ELFN1: variants seen among roughly 807,000 people sequenced by gnomAD.
The protein encoded by ELFN1 is extracellular leucine rich repeat and fibronectin type III domain containing 1, also known as protein ELFN1.
A neutral mutation model predicts 7.6 loss-of-function variants in ELFN1; 6 were observed. That is an observed-to-expected ratio of 0.79 (90% CI 0.43 to 1.56). ELFN1 has a LOEUF of 1.56. Ranked by LOEUF, ELFN1 falls within the 40% of genes most tolerant of loss-of-function variation. The pLI is 0.01. For missense variants in ELFN1, 1,169 were observed against 1,232.2 expected (o/e 0.95, Z 0.77); for synonymous variants, 657 against 588.1 (o/e 1.12, Z -1.70).
intron 2 of ELFN1, among the ~76,000 whole-genome samples, chr7:1,706,142 T>C (rs1269230302): frequency 6.6e-6 from 1 of 152,200 alleles, no homozygotes; most frequent in Non-Finnish European, 1.5e-5. Flanking sequence ...ACTCAGCAGC[T>C]GGCTGGGCAC....
chr7:1,720,188 T>G (rs1271070879), intron 3 of ELFN1, among the ~76,000 whole-genome samples: 1 of 152,192 alleles, frequency 6.6e-6, no homozygotes, highest in African/African-American at 2.4e-5. Flanking sequence ...CTGCCCATTT[T>G]CCCTGTCCCA....
At chr7:1,720,881 C>T (rs763814752) in intron 3 of ELFN1, among the ~76,000 whole-genome samples, 1 of 152,242 alleles carries the variant, frequency 6.6e-6, no homozygotes, top group Non-Finnish European at 1.5e-5. Flanking sequence ...TTGCATGCTC[C>T]GCTGGTACAG....
At chr7:1,721,258 AT>A (rs1301140374) in intron 3 of ELFN1, among the ~76,000 whole-genome samples, 3 of 152,162 alleles carry the variant, frequency 2.0e-5, no homozygotes, top group African/African-American at 7.2e-5. Context: ...ACCAGGCCTG[AT>A]GTTTTCAGGG....
intron 1 of ELFN1, among the ~76,000 whole-genome samples, chr7:1,672,359 C>T (rs1416319258): frequency 6.6e-6 from 1 of 152,196 alleles, no homozygotes; most frequent in Non-Finnish European, 1.5e-5. Context: ...GAGGCTGCTG[C>T]TCCTCCACCT....
In ELFN1 at chr7:1,745,397, C is replaced by T. The variant is rs190923920; in HGVS notation, c.801C>T (p.Ser267=). Residue 267 remains serine, a synonymous_variant, in exon 4 of 4, where the codon TCC becomes TCT. Coordinates refer to ENST00000424383, the MANE Select transcript of ELFN1 (RefSeq NM_001128636.4). ...AEVVGPPRPA[S]GRSQPGRSPP... ...TGGTCGGGCCCCCACGTCCAGCATC[C>T]GGGCGCTCACAGCCGGGCCGCTCCC... 3.5e-4 allele frequency: 539 copies of T among 1,539,040 alleles called. 1 individual carries two copies. The African/African-American group carries it at 5.1e-3, about 14-fold the overall frequency.
chr7:1,744,021 C>T (rs925255539), intron 3 of ELFN1, among the ~76,000 whole-genome samples: 3 of 152,174 alleles, frequency 2.0e-5, no homozygotes, highest in African/African-American at 7.2e-5. Context: ...AGGCAGTGCC[C>T]CGTCCATTTT....
chr7:1,741,727 T>A (rs559768371), intron 3 of ELFN1, among the ~76,000 whole-genome samples: 259 of 152,110 alleles, frequency 1.7e-3, no homozygotes, highest in Non-Finnish European at 2.8e-3. Context: ...ATGCCAGACA[T>A]ACAGACCCCC....
chr7:1,708,166 G>T (rs1305230658), intron 2 of ELFN1, among the ~76,000 whole-genome samples: 1 of 152,202 alleles, frequency 6.6e-6, no homozygotes, highest in Non-Finnish European at 1.5e-5. Flanking sequence ...ATGGGGCTGG[G>T]CTCTGCACCA....
upstream of ELFN1, among the ~76,000 whole-genome samples, chr7:1,669,422 G>A (rs1326436421): frequency 1.3e-5 from 2 of 152,042 alleles, no homozygotes; most frequent in South Asian, 4.1e-4. Flanking sequence ...TTCTGCGAAC[G>A]CGGGCTTGTC....
chr7:1,742,261 T>C (rs905868093), intron 3 of ELFN1: 1 of 152,254 alleles, frequency 6.6e-6, no homozygotes, highest in Admixed American at 6.5e-5. Context: ...CGATTGTGGC[T>C]GAGGCGCCAC....
At chr7:1,716,480 CGTGGGCGTATGTCTGT>C (rs1408383194) in intron 3 of ELFN1, among the ~76,000 whole-genome samples, 1 of 152,238 alleles carries the variant, frequency 6.6e-6, no homozygotes, top group East Asian at 1.9e-4. Flanking sequence ...TGCCGCTGGA[CGTGGGCGTATGTCTGT>C]GTGTGCGTGC....
chr7:1,672,870 C>G (rs758982122), intron 1 of ELFN1, among the ~76,000 whole-genome samples: 10 of 152,108 alleles, frequency 6.6e-5, no homozygotes, highest in Admixed American at 6.5e-5. Context: ...AAGAAAGAAA[C>G]AGGCAGGCCC....
intron 3 of ELFN1, among the ~76,000 whole-genome samples, chr7:1,712,979 T>C (rs1328747506): frequency 6.6e-6 from 1 of 152,238 alleles, no homozygotes; most frequent in Non-Finnish European, 1.5e-5. Flanking sequence ...CCCTGGGTAC[T>C]GCCCTGAGCA....
intron 3 of ELFN1, among the ~76,000 whole-genome samples, chr7:1,741,803 C>T (rs550000440): frequency 6.4e-4 from 97 of 152,302 alleles, no homozygotes; most frequent in African/African-American, 2.3e-3. Flanking sequence ...GTGCCACCCA[C>T]ACCTGCCTCC....
At chr7:1,672,020 C>T (rs191725547) in intron 1 of ELFN1, among the ~76,000 whole-genome samples, 170 of 152,318 alleles carry the variant, frequency 1.1e-3, no homozygotes, top group African/African-American at 4.0e-3. Context: ...GGCCATGCCC[C>T]TCCCCCTGTC....
At chr7:1,670,227 G>A (rs1309191115), upstream of ELFN1, among the ~76,000 whole-genome samples, 1 of 151,516 alleles carries the variant, frequency 6.6e-6, no homozygotes, top group East Asian at 2.0e-4. The surrounding 1 kb of genome is among the most constrained non-coding windows in gnomAD (Gnocchi z 6.4). Context: ...CGCGCGGCGA[G>A]GGGCGGGGCC....
At position 1,716,748 on chromosome 7, in the gene ELFN1, CTG is replaced by C. The variant is rs1358387802; in HGVS notation, c.-294+7499_-294+7500del. On this transcript the variant is annotated intron_variant, in intron 3 of 3. Transcript: ENST00000424383. The stretch of plus-strand genomic sequence containing the variant: ...CACTCCCCCAGCCTCACCCGGGAAA[CTG>C]TGATTCCAGCAGCTAAAGTGGGTCA... Among the ~76,000 whole-genome samples the C allele has an allele frequency of 5.9e-5, 9 of 152,340 alleles. No homozygotes were observed. The South Asian group carries it at 1.9e-3, about 32-fold the overall frequency.
intron 3 of ELFN1, among the ~76,000 whole-genome samples, chr7:1,728,253 C>G (rs1052244741): frequency 6.6e-6 from 1 of 152,264 alleles, no homozygotes; most frequent in Non-Finnish European, 1.5e-5. Flanking sequence ...CCCCCTGCCA[C>G]TGCAGTAGCC....
At position 1,745,989 on chromosome 7, in the gene ELFN1, A is replaced by G; in HGVS notation, c.1393A>G (p.Thr465Ala). Reference sequence around the variant, plus strand: ...AGCCGCAGCTGGCAGCCTCAAGAAGACCATCATCGAGCTCAAGTACGGGCC... The same window carrying G: ...AGCCGCAGCTGGCAGCCTCAAGAAGGCCATCATCGAGCTCAAGTACGGGCC... ...SAAAAGSLKKTIIELKYGPEL... is the reference protein window; with the variant it reads ...SAAAAGSLKKAIIELKYGPEL... Residue 465 changes from threonine to alanine, a missense_variant, in exon 4 of 4, where the codon ACC becomes GCC. By Grantham distance (58) the Thr-to-Ala change is moderately conservative. This residue lies in a region of ELFN1 where 914 missense variants were observed against 872.6 expected (regional missense o/e 1.05). Coordinates refer to ENST00000424383, the MANE Select transcript of ELFN1 (RefSeq NM_001128636.4). 6.5e-7 allele frequency: 1 copy of G among 1,543,642 alleles called. No homozygotes were observed. Among genetic ancestry groups the G allele is most frequent in the Non-Finnish European group, 8.8e-7 (1 of 1,142,416 alleles).
Sources: gnomAD v4.1 joint callset for allele counts (sites outside exome capture counted in the v4.1 genomes callset) on GRCh38, gnomAD v4.1.1 for gene constraint, gnomAD v4.1.1 regional missense constraint, Gnocchi (gnomAD v3.1) non-coding constraint, MANE v1.5 for transcripts, NCBI Gene and HGNC (gene_info 2026-07-23, HGNC 2026-07-21) for gene names.